The following MCM9 variants were observed in gnomAD, a reference collection of about 807,000 sequenced individuals.
The protein encoded by MCM9 is DNA helicase MCM9.
Under a neutral mutation model 72.8 loss-of-function variants are expected in MCM9, and 55 were observed. The observed-to-expected ratio is 0.76, with a 90% CI of 0.61 to 0.95. The LOEUF is 0.95. Among genes scored for constraint, MCM9 ranks in the 40% least tolerant of loss-of-function variants. MCM9 has a pLI of 0.00. For missense variants in MCM9, 1,279 were observed against 1,377.0 expected, an observed-to-expected ratio of 0.93 and a Z score of 1.13; for synonymous variants, 480 against 503.4, an observed-to-expected ratio of 0.95 and a Z score of 0.62.
chr6:118,880,496 A>G (rs1388182644), intron 8 of MCM9, among the ~76,000 whole-genome samples: 1 of 152,224 alleles, frequency 6.6e-6, no homozygotes, highest in Non-Finnish European at 1.5e-5. Flanking sequence ...GCAATACAGA[A>G]AGGACTTTCA....
intron 9 of MCM9, among the ~76,000 whole-genome samples, chr6:118,846,948 C>T (rs1775911499): frequency 6.6e-6 from 1 of 151,718 alleles, no homozygotes. Context: ...CCCTACCCTG[C>T]CCCAAAAAAA....
At chr6:118,828,547 A>G (rs572975067) in intron 10 of MCM9, among the ~76,000 whole-genome samples, 1 of 152,018 alleles carries the variant, frequency 6.6e-6, no homozygotes, top group South Asian at 2.1e-4. Flanking sequence ...CACCACGCCC[A>G]GCTGATTTTT....
intron 8 of MCM9, among the ~76,000 whole-genome samples, chr6:118,896,041 G>GT (rs200142006): frequency 0.16 from 22,564 of 138,504 alleles, 1,799 homozygotes; most frequent in Non-Finnish European, 0.2. Flanking sequence ...ATGTGCCCCC[G>GT]TTTTTTTTTT....
At chr6:118,893,855 A>AAC (rs1554260263) in intron 8 of MCM9, among the ~76,000 whole-genome samples, 225 of 148,910 alleles carry the variant, frequency 1.5e-3, no homozygotes, top group South Asian at 9.8e-3. Flanking sequence ...CAAAAAAAAA[A>AAC]ACAAAAAAAC....
intron 8 of MCM9, among the ~76,000 whole-genome samples, chr6:118,867,556 A>G (rs1777295638): frequency 6.6e-6 from 1 of 152,162 alleles, no homozygotes; most frequent in Non-Finnish European, 1.5e-5. Flanking sequence ...TATATTTTAT[A>G]TATTTAGATA....
intron 8 of MCM9, among the ~76,000 whole-genome samples, chr6:118,897,957 T>C (rs1291454038): frequency 6.6e-6 from 1 of 152,210 alleles, no homozygotes; most frequent in Admixed American, 6.5e-5. Flanking sequence ...TTGCAGCCTG[T>C]TCTTGTTAAG....
intron 8 of MCM9, among the ~76,000 whole-genome samples, chr6:118,870,421 GGT>G (rs1491562131): frequency 1.9e-4 from 7 of 37,726 alleles, no homozygotes; most frequent in East Asian, 2.7e-3. Context: ...GAAATTAATG[GGT>G]TTTTTTTTTT....
chr6:118,897,866 A>C (rs1016972261), intron 8 of MCM9, among the ~76,000 whole-genome samples: 1 of 152,092 alleles, frequency 6.6e-6, no homozygotes, highest in Non-Finnish European at 1.5e-5. Flanking sequence ...CAATGTATAA[A>C]AGGGTATTGA....
chr6:118,830,995 G>A (rs1465568970), intron 9 of MCM9, among the ~76,000 whole-genome samples: 1 of 152,116 alleles, frequency 6.6e-6, no homozygotes, highest in African/African-American at 2.4e-5. Context: ...GATCTATAGG[G>A]GATATAATTG....
intron 9 of MCM9, among the ~76,000 whole-genome samples, chr6:118,848,220 T>C (rs1193706806): frequency 1.3e-5 from 2 of 151,814 alleles, no homozygotes; most frequent in Admixed American, 1.3e-4. Flanking sequence ...ATACAACTAT[T>C]TATTTAAGTG....
chr6:118,822,179 T>C (rs1773860282), intron 13 of MCM9, among the ~76,000 whole-genome samples: 1 of 152,060 alleles, frequency 6.6e-6, no homozygotes, highest in African/African-American at 2.4e-5. Context: ...TGGAGAGGAG[T>C]TGCAATCATT....
chr6:118,882,554 T>C (rs1272937849), intron 8 of MCM9, among the ~76,000 whole-genome samples: 1 of 152,030 alleles, frequency 6.6e-6, no homozygotes, highest in Admixed American at 6.6e-5. Context: ...TGAACCAGAG[T>C]GCTGAGCAAC....
intron 5 of MCM9, chr6:118,919,570 T>C (rs183141009): frequency 4.6e-5 from 7 of 152,338 alleles, no homozygotes; most frequent in Admixed American, 2.6e-4. Flanking sequence ...ATATACGTGT[T>C]TTCTTTACTC....
At chr6:118,862,174 G>A (rs1042597850) in intron 8 of MCM9, among the ~76,000 whole-genome samples, 1 of 152,224 alleles carries the variant, frequency 6.6e-6, no homozygotes, top group Non-Finnish European at 1.5e-5. Context: ...TTCAGGGGAA[G>A]GGGGGCTTCC....
In MCM9 at chr6:118,820,202, A is replaced by G. The variant is rs568217986; in HGVS notation, c.1962-3908T>C. Among the ~76,000 whole-genome samples the G allele has an allele frequency of 1.6e-4, 25 of 151,774 alleles. No homozygotes were observed. The South Asian group carries it at 5.0e-3, about 30-fold the overall frequency. On this transcript the variant is annotated intron_variant, in intron 13 of 13. Coordinates refer to ENST00000619706, the MANE Select transcript of MCM9 (RefSeq NM_017696.3). Reference sequence around the variant, plus strand: ...TTGTTCTTGCTTCTCTAGTTCTTTTAATTGTGATGTTAGGGTGTCAATTTT... The same window carrying G: ...TTGTTCTTGCTTCTCTAGTTCTTTTGATTGTGATGTTAGGGTGTCAATTTT...
chr6:118,907,416 T>G, intron 8 of MCM9: 1 of 1,600,634 alleles, frequency 6.2e-7, no homozygotes, highest in Non-Finnish European at 8.5e-7. Flanking sequence ...AAAGGAATAT[T>G]TTGGCATCTA....
intron 8 of MCM9, among the ~76,000 whole-genome samples, chr6:118,875,323 T>C (rs1326506367): frequency 6.6e-6 from 1 of 152,200 alleles, no homozygotes; most frequent in Non-Finnish European, 1.5e-5. Context: ...GTTCTACAGA[T>C]TCAACCCAAG....
chr6:118,889,055 A>C (rs540094301), intron 8 of MCM9, among the ~76,000 whole-genome samples: 11 of 152,300 alleles, frequency 7.2e-5, no homozygotes, highest in African/African-American at 2.2e-4. Context: ...GATGCTTCAA[A>C]TGAGTGAATT....
intron 8 of MCM9, among the ~76,000 whole-genome samples, chr6:118,870,834 C>A (rs1211064710): frequency 6.6e-6 from 1 of 151,252 alleles, no homozygotes. Flanking sequence ...CAATTACATG[C>A]CAACAAATTT....
Sources: gnomAD v4.1 joint callset for allele counts (sites outside exome capture counted in the v4.1 genomes callset) on GRCh38, gnomAD v4.1.1 for gene constraint, MANE v1.5 for transcripts, NCBI Gene and HGNC (gene_info 2026-07-23, HGNC 2026-07-21) for gene names.